NLGN1: variants seen among roughly 807,000 people sequenced by gnomAD.
NLGN1 encodes neuroligin 1.
Under a neutral mutation model 65.5 loss-of-function variants are expected in NLGN1, and 12 were observed. That is an observed-to-expected ratio of 0.18 (90% CI 0.12 to 0.30). The LOEUF (loss-of-function observed/expected upper bound fraction) is 0.30, where lower values mean the gene tolerates loss of function less well. Among genes scored for constraint, NLGN1 ranks in the 10% least tolerant of loss-of-function variants. NLGN1 has a pLI of 1.00. For synonymous variants in NLGN1, 350 were observed against 359.5 expected, an observed-to-expected ratio of 0.97 and a Z score of 0.30; for missense variants, 750 against 1,007.1, an observed-to-expected ratio of 0.74 and a Z score of 3.46.
chr3:174,099,466 CA>C (rs1239101600), intron 4 of NLGN1, among the ~76,000 whole-genome samples: 3 of 152,102 alleles, frequency 2.0e-5, no homozygotes, highest in African/African-American at 7.2e-5. Context: ...AGTTTCACTG[CA>C]AAAATAGACT....
At chr3:173,948,626 A>G (rs1357857521) in intron 4 of NLGN1, among the ~76,000 whole-genome samples, 1 of 152,230 alleles carries the variant, frequency 6.6e-6, no homozygotes, top group African/African-American at 2.4e-5. Flanking sequence ...CACATTCCAT[A>G]GACAGGGAGA....
rs368893088 is a variant in NLGN1, at chr3:173,757,851, C to T, written c.494-49829C>T. Reference sequence around the variant, plus strand: ...AGTTTATAATACGATGTCTGAAACTCGTTTTAAAATACATTATTTCAAACG... The same window carrying T: ...AGTTTATAATACGATGTCTGAAACTTGTTTTAAAATACATTATTTCAAACG... On this transcript the variant is annotated intron_variant, in intron 3 of 6. Coordinates refer to ENST00000457714, the Ensembl canonical transcript of NLGN1. Among the ~76,000 whole-genome samples, 22 of 152,096 alleles carry T rather than the reference C, an allele frequency of 1.4e-4. No individual in the cohort carries two copies. In the East Asian group the frequency reaches 1.7e-3, roughly 12 times the overall value.
chr3:173,913,000 A>G (rs1739939014), intron 4 of NLGN1, among the ~76,000 whole-genome samples: 1 of 152,140 alleles, frequency 6.6e-6, no homozygotes, highest in Admixed American at 6.6e-5. Context: ...GGCTCACACC[A>G]CCAACAACAG....
At chr3:173,806,256 T>C (rs1406662353) in intron 3 of NLGN1, among the ~76,000 whole-genome samples, 4 of 152,140 alleles carry the variant, frequency 2.6e-5, no homozygotes, top group Non-Finnish European at 5.9e-5. Flanking sequence ...AGATATCACT[T>C]TATTATTACG....
At chr3:173,478,768 C>T (rs990909370) in intron 2 of NLGN1, among the ~76,000 whole-genome samples, 3 of 151,818 alleles carry the variant, frequency 2.0e-5, no homozygotes, top group Non-Finnish European at 4.4e-5. Flanking sequence ...TAAAAATAAT[C>T]CCAGCTACTC....
intron 4 of NLGN1, among the ~76,000 whole-genome samples, chr3:174,183,559 C>T (rs1730828650): frequency 6.6e-6 from 1 of 151,984 alleles, no homozygotes; most frequent in African/African-American, 2.4e-5. Flanking sequence ...TTTCAGTACA[C>T]AACAGAAGTA....
chr3:174,075,688 A>T (rs569583916), intron 4 of NLGN1, among the ~76,000 whole-genome samples: 1 of 152,300 alleles, frequency 6.6e-6, no homozygotes, highest in African/African-American at 2.4e-5. Context: ...AGGAAAAATA[A>T]AATTTTATTC....
chr3:173,955,978 A>G (rs938346274), intron 4 of NLGN1, among the ~76,000 whole-genome samples: 5 of 152,126 alleles, frequency 3.3e-5, no homozygotes, highest in Admixed American at 6.5e-5. Flanking sequence ...TCTGATGCCA[A>G]TTATTAGCAA....
At chr3:173,427,079 A>G (rs1279510865) in intron 1 of NLGN1, among the ~76,000 whole-genome samples, 1 of 152,022 alleles carries the variant, frequency 6.6e-6, no homozygotes. Context: ...GAATTTATTC[A>G]TGTCTTCTAA....
intron 2 of NLGN1, among the ~76,000 whole-genome samples, chr3:173,462,644 T>C (rs1412926489): frequency 6.6e-6 from 1 of 152,170 alleles, no homozygotes. Context: ...GACTTTAACC[T>C]TCAGCCTTGT....
chr3:174,088,815 T>A (rs1259279166), intron 4 of NLGN1, among the ~76,000 whole-genome samples: 1 of 150,858 alleles, frequency 6.6e-6, no homozygotes, highest in East Asian at 1.9e-4. Context: ...TAAAACTAGA[T>A]TATTTTTTAC....
intron 4 of NLGN1, among the ~76,000 whole-genome samples, chr3:173,855,686 T>C (rs1421797842): frequency 6.6e-6 from 1 of 152,148 alleles, no homozygotes; most frequent in Non-Finnish European, 1.5e-5. Flanking sequence ...AAACGTCTAT[T>C]ATTCAACATA....
At chr3:173,590,597 T>C (rs1002801864) in intron 2 of NLGN1, among the ~76,000 whole-genome samples, 2 of 152,126 alleles carry the variant, frequency 1.3e-5, no homozygotes. Flanking sequence ...TAAACGTTTA[T>C]TGAATGAATG....
intron 4 of NLGN1, among the ~76,000 whole-genome samples, chr3:174,235,900 C>T (rs1397033663): frequency 1.3e-5 from 2 of 148,364 alleles, no homozygotes. Context: ...TCCCCTCACG[C>T]TTCTTTATTA....
rs1219906829 is a variant in NLGN1 at position 173,709,822 on chromosome 3, A to AG, written c.494-97858_494-97857insG. Among the ~76,000 whole-genome samples the AG allele has an allele frequency of 3.3e-5, 5 of 151,580 alleles. No homozygotes were observed. In the South Asian group the frequency reaches 1.0e-3, roughly 31 times the overall value. ...CTATCTCAAAAAAAAAAAAAAAAAA[A>AG]AAAAATCAAGAACCATATGCGCCAA... On this transcript the variant is annotated intron_variant, in intron 3 of 6. Coordinates refer to ENST00000457714, the Ensembl canonical transcript of NLGN1.
intron 4 of NLGN1, among the ~76,000 whole-genome samples, chr3:174,167,705 C>G (rs985569678): frequency 6.7e-6 from 1 of 148,958 alleles, no homozygotes; most frequent in African/African-American, 2.5e-5. Flanking sequence ...TGTGTAGTAT[C>G]TCATAAGTGT....
At chr3:174,142,485 A>G (rs1214678324) in intron 4 of NLGN1, among the ~76,000 whole-genome samples, 2 of 152,130 alleles carry the variant, frequency 1.3e-5, no homozygotes, top group South Asian at 2.1e-4. Context: ...GTTAAAAGGT[A>G]TGTTAGTACA....
chr3:173,780,720 C>T (rs1019486054), intron 3 of NLGN1, among the ~76,000 whole-genome samples: 13 of 152,276 alleles, frequency 8.5e-5, no homozygotes, highest in Admixed American at 6.5e-4. Flanking sequence ...AAGCAGTAAT[C>T]TGAGAGAAGC....
intron 2 of NLGN1, among the ~76,000 whole-genome samples, chr3:173,559,627 A>C (rs1419093343): frequency 6.6e-6 from 1 of 152,242 alleles, no homozygotes; most frequent in African/African-American, 2.4e-5. Context: ...ATCCAGAAGT[A>C]GAAAGCCCAC....
Sources: allele counts gnomAD v4.1 joint callset (sites outside exome capture counted in the v4.1 genomes callset), GRCh38; gene constraint gnomAD v4.1.1; transcripts MANE v1.5; gene names NCBI Gene and HGNC (gene_info 2026-07-23, HGNC 2026-07-21).